Variants in PHIP observed in about 807,000 individuals in gnomAD.
PHIP encodes PH-interacting protein.
A neutral mutation model predicts 236.8 loss-of-function variants in PHIP; 54 were observed. The ratio of observed to expected loss-of-function variants is 0.23; its 90% CI spans 0.18 to 0.29. PHIP has a LOEUF of 0.29. Among genes scored for constraint, PHIP ranks in the 10% least tolerant of loss-of-function variants. The probability of loss-of-function intolerance (pLI) is 1.00; values close to 1 mark genes in which losing one functional copy is unlikely to be tolerated. For missense variants in PHIP, 1,370 were observed against 2,190.8 expected, an observed-to-expected ratio of 0.63 and a Z score of 7.48; for synonymous variants, 756 against 718.9, an observed-to-expected ratio of 1.05 and a Z score of -0.83.
chr6:79,023,131 T>C (rs181792242), intron 9 of PHIP, among the ~76,000 whole-genome samples: 8 of 152,344 alleles, frequency 5.3e-5, no homozygotes, highest in African/African-American at 1.7e-4. Flanking sequence ...GAGGCTACAG[T>C]ACAGTGGTGA....
Position 78,970,853 on chromosome 6 carries a change from G to T in PHIP, c.2925C>A (p.Val975=), listed in dbSNP as rs140757402. 279 of 1,610,248 alleles carry T rather than the reference G, an allele frequency of 1.7e-4. 1 individual carries two copies. The highest frequency in any genetic ancestry group is 2.2e-4 in the Non-Finnish European group (262 of 1,178,388). The stretch of plus-strand genomic sequence containing the variant: ...ATATTTTATTTTTCCGGGCCATTTC[G>T]ACATAGGCTTCATGTCCTTGTCGGA... ...YYFRQGHEAY[V]EMARKNKIYS... The change falls in exon 25 of 40, where the codon GTC becomes GTA. Residue 975 remains valine, a synonymous_variant. Coordinates refer to ENST00000275034, the MANE Select transcript of PHIP (RefSeq NM_017934.7).
chr6:78,985,009 T>C (rs571297908), intron 22 of PHIP, among the ~76,000 whole-genome samples: 3 of 152,068 alleles, frequency 2.0e-5, no homozygotes, highest in African/African-American at 7.3e-5. Flanking sequence ...AATTCCACTA[T>C]ATAAGATAGT....
chr6:78,937,163 T>C lies in PHIP; in HGVS notation c.*3530A>G, dbSNP rs1773301512. On this transcript the variant is annotated 3_prime_UTR_variant, in exon 40 of 40. Transcript: ENST00000275034. ...TTGGTCCTTTCAACCTACTCAAAAATAAATTTCAGGTAACAAAAACATTCA... is the reference window on the plus strand; with the variant it reads ...TTGGTCCTTTCAACCTACTCAAAAACAAATTTCAGGTAACAAAAACATTCA... 1 of 151,724 alleles carries C rather than the reference T, an allele frequency of 6.6e-6. No individual in the cohort carries two copies. The highest frequency in any genetic ancestry group is 1.5e-5 in the Non-Finnish European group (1 of 67,670). 9.4% of individuals were successfully genotyped at this position (151,724 alleles called of 1,614,324 possible).
intron 28 of PHIP, 46 bp from the exon 29 acceptor site, chr6:78,965,810 A>T (rs1217397285): frequency 9.0e-6 from 11 of 1,225,316 alleles, no homozygotes; most frequent in Middle Eastern, 4.4e-4. Flanking sequence ...AAATTATTGT[A>T]TCACAATTTT....
intron 9 of PHIP, among the ~76,000 whole-genome samples, chr6:79,021,685 G>C (rs1562185738): frequency 6.6e-6 from 1 of 152,138 alleles, no homozygotes; most frequent in Admixed American, 6.6e-5. Context: ...CAAAACAGTT[G>C]AATTCATGAG....
intron 35 of PHIP, among the ~76,000 whole-genome samples, chr6:78,954,570 A>C (rs1369139983): frequency 1.3e-5 from 2 of 152,302 alleles, no homozygotes; most frequent in African/African-American, 4.8e-5. Flanking sequence ...GGACTTGCTC[A>C]AAGCTGCACA....
chr6:79,068,854 C>T (rs1208824047), intron 4 of PHIP, among the ~76,000 whole-genome samples: 1 of 152,120 alleles, frequency 6.6e-6, no homozygotes, highest in Non-Finnish European at 1.5e-5. Flanking sequence ...CCTAGAAGTG[C>T]CCTTCTTTCC....
chr6:79,024,763 A>C (rs1336903630), intron 9 of PHIP, among the ~76,000 whole-genome samples: 3 of 152,130 alleles, frequency 2.0e-5, no homozygotes, highest in Admixed American at 2.0e-4. Flanking sequence ...TGAGATCGCG[A>C]CACTGCAATC....
intron 15 of PHIP, among the ~76,000 whole-genome samples, chr6:79,011,268 A>T (rs914333920): frequency 1.3e-5 from 2 of 151,926 alleles, no homozygotes; most frequent in African/African-American, 4.8e-5. Context: ...CAAGTTATGT[A>T]AGGACTGTTC....
chr6:79,055,056 G>T (rs1012286751), intron 6 of PHIP, among the ~76,000 whole-genome samples: 2 of 151,708 alleles, frequency 1.3e-5, no homozygotes, highest in Non-Finnish European at 2.9e-5. Context: ...TAAGAATCAG[G>T]ATTCTCAAAA....
intron 24 of PHIP, among the ~76,000 whole-genome samples, chr6:78,973,208 G>C (rs1182338158): frequency 1.3e-5 from 2 of 152,194 alleles, no homozygotes; most frequent in Non-Finnish European, 2.9e-5. Context: ...CCAGAAGAGA[G>C]TGGGGGCCAA....
chr6:78,971,815 T>C (rs1244753522), intron 24 of PHIP, among the ~76,000 whole-genome samples: 1 of 152,106 alleles, frequency 6.6e-6, no homozygotes, highest in Non-Finnish European at 1.5e-5. Flanking sequence ...ACTGCGCTTT[T>C]CCAATGGGCT....
rs1773415758 is a variant in PHIP, at chr6:78,940,169, T to C, written c.*524A>G. 1 of 152,054 alleles carries C rather than the reference T, an allele frequency of 6.6e-6. No individual in the cohort carries two copies. Among genetic ancestry groups the C allele is most frequent in the Non-Finnish European group, 1.5e-5 (1 of 67,922 alleles). 9.4% of individuals were successfully genotyped at this position (152,054 alleles called of 1,614,324 possible). On this transcript the variant is annotated 3_prime_UTR_variant, in exon 40 of 40. Coordinates refer to ENST00000275034, the MANE Select transcript of PHIP (RefSeq NM_017934.7). ...AAATTAAACTGTTTAGGGTATCAAATGGTGGAAATTTTATATTTATCTTTT... is the reference window on the plus strand; with the variant it reads ...AAATTAAACTGTTTAGGGTATCAAACGGTGGAAATTTTATATTTATCTTTT...
intron 10 of PHIP, among the ~76,000 whole-genome samples, chr6:79,018,873 A>T (rs1419171013): frequency 6.6e-6 from 1 of 152,028 alleles, no homozygotes; most frequent in Non-Finnish European, 1.5e-5. Context: ...CTTCTTAAAG[A>T]AAAACAGTCA....
chr6:78,982,772 C>G (rs934855291), intron 23 of PHIP, 114 bp downstream of exon 23: 4 of 635,770 alleles, frequency 6.3e-6, no homozygotes, highest in Non-Finnish European at 1.0e-5. Context: ...TGAGTTTTTT[C>G]TATTATTATT....
At chr6:78,972,954 C>T (rs956842453) in intron 24 of PHIP, among the ~76,000 whole-genome samples, 1 of 150,582 alleles carries the variant, frequency 6.6e-6, no homozygotes. Flanking sequence ...GAAAACACTG[C>T]AGGATATTAT....
chr6:78,993,727 C>T (rs1438838021), intron 19 of PHIP, among the ~76,000 whole-genome samples: 1 of 152,142 alleles, frequency 6.6e-6, no homozygotes, highest in Non-Finnish European at 1.5e-5. Context: ...ATTGACAATG[C>T]CCCTAATCAC....
At chr6:78,981,170 T>A (rs533397457) in intron 23 of PHIP, among the ~76,000 whole-genome samples, 3 of 152,132 alleles carry the variant, frequency 2.0e-5, no homozygotes, top group Admixed American at 6.6e-5. Flanking sequence ...GATTTGAGGT[T>A]TTTTTAAATA....
chr6:79,043,873 A>G lies in PHIP; in HGVS notation c.440-870T>C, dbSNP rs1035551171. 2.6e-5 allele frequency among the ~76,000 whole-genome samples: 4 copies of G among 151,356 alleles called. No homozygotes were observed. The East Asian group carries it at 7.7e-4, about 29-fold the overall frequency. Reference sequence around the variant, plus strand: ...CAGTGACTGCCATCTACATTGGGTAATTAGCACTAGGGTTTCTCGGTCGAA... The same window carrying G: ...CAGTGACTGCCATCTACATTGGGTAGTTAGCACTAGGGTTTCTCGGTCGAA... On this transcript the variant is annotated intron_variant, in intron 6 of 39. Coordinates refer to ENST00000275034, the MANE Select transcript of PHIP (RefSeq NM_017934.7).
Sources: gnomAD v4.1 joint callset for allele counts (sites outside exome capture counted in the v4.1 genomes callset) on GRCh38, gnomAD v4.1.1 for gene constraint, MANE v1.5 for transcripts, NCBI Gene and HGNC (gene_info 2026-07-23, HGNC 2026-07-21) for gene names.